Variants in SLC12A5 observed in about 807,000 individuals in gnomAD.
SLC12A5 encodes K-Cl cotransporter 2.
In SLC12A5, 18 loss-of-function variants were observed where a neutral mutation model predicts 124.0. The ratio of observed to expected loss-of-function variants is 0.15; its 90% CI spans 0.10 to 0.22. SLC12A5 has a LOEUF of 0.22. Ranked by LOEUF, SLC12A5 falls within the 10% of genes least tolerant of loss-of-function variation. The pLI is 1.00. For synonymous variants in SLC12A5, 589 were observed against 568.0 expected (o/e 1.04, Z -0.53); for missense variants, 867 against 1,478.7 (o/e 0.59, Z 6.78).
intron 6 of SLC12A5, among the ~76,000 whole-genome samples, chr20:46,039,451 T>A (rs1378427061): frequency 6.6e-6 from 1 of 152,226 alleles, no homozygotes; most frequent in African/African-American, 2.4e-5. Flanking sequence ...TAATGTACCA[T>A]GGATAGCTTT....
chr20:46,059,632 A>G lies in SLC12A5; in HGVS notation c.*2027A>G, dbSNP rs1036112175. On this transcript the variant is annotated 3_prime_UTR_variant, in exon 26 of 26. Coordinates refer to ENST00000243964, the MANE Select transcript of SLC12A5 (RefSeq NM_020708.5). ...GTTGGCAAGAGCAAAGTTTCCGTTG[A>G]TGAAACAGACATCCCACAACAAAAA... The G allele has an allele frequency of 1.0e-4, 40 of 398,978 alleles. No homozygotes were observed. Among genetic ancestry groups the G allele is most frequent in the African/African-American group, 8.2e-4 (40 of 48,640 alleles). 24.7% of individuals were successfully genotyped at this position (398,978 alleles called of 1,614,324 possible).
intron 15 of SLC12A5, 144 bp from the exon 16 acceptor site, chr20:46,047,837 T>C (rs144540341): frequency 5.8e-6 from 5 of 858,840 alleles, no homozygotes; most frequent in South Asian, 1.8e-5. Context: ...CAAGGCTTGG[T>C]TGAGTCTGTT....
chr20:46,035,415 C>G lies in SLC12A5; in HGVS notation c.159C>G (p.Asp53Glu). Residue 53 changes from aspartate to glutamate, a missense_variant, in exon 3 of 26, where the codon GAC becomes GAG. Physicochemically the swap from Asp to Glu is conservative, Grantham distance 45. Transcript: ENST00000243964. ...CCCTCCCTCCATAGGAGGAGATGGA[C>G]ACCAGCCCTATGGTGTCCTCCTTGC... ...KNMALFEEEMDTSPMVSSLLS... is the reference protein window; with the variant it reads ...KNMALFEEEMETSPMVSSLLS... The G allele has an allele frequency of 6.2e-7, 1 of 1,613,326 alleles. No individual in the cohort carries two copies. Among genetic ancestry groups the G allele is most frequent in the Non-Finnish European group, 8.5e-7 (1 of 1,179,598 alleles).
Position 46,056,493 on chromosome 20 carries a change from G to C in SLC12A5, c.3039G>C (p.Ser1013=). Residue 1013 remains serine, a synonymous_variant, in exon 23 of 26, where the codon TCG becomes TCC. Transcript: ENST00000243964. The surrounding 1 kb of genome is among the most constrained non-coding windows in gnomAD (Gnocchi z 4.3). ...ATCTCACCTGGACCAAGGACAAGTC[G>C]GTGGCAGAGAAGAATAAGGGCCCCA... is the stretch of plus-strand genomic sequence containing the variant. ...KVHLTWTKDK[S]VAEKNKGPSP... The C allele has an allele frequency of 6.2e-7, 1 of 1,614,158 alleles. No homozygotes were observed. Among genetic ancestry groups the C allele is most frequent in the Non-Finnish European group, 8.5e-7 (1 of 1,180,008 alleles).
chr20:46,055,908 A>G, intron 21 of SLC12A5: 1 of 528,958 alleles, frequency 1.9e-6, no homozygotes, highest in Non-Finnish European at 3.4e-6. Flanking sequence ...TGCTAGGCAG[A>G]GCCTTGCTGT....
At chr20:46,022,009 G>A in intron 1 of SLC12A5, 1 of 1,167,716 alleles carries the variant, frequency 8.6e-7, no homozygotes, top group Non-Finnish European at 1.1e-6. Flanking sequence ...CCAGCCCTAG[G>A]CCTGAGAGGG....
At chr20:46,036,324 C>T (rs1006766187) in intron 4 of SLC12A5, 1 of 235,324 alleles carries the variant, frequency 4.2e-6, no homozygotes, top group Non-Finnish European at 8.3e-6. Flanking sequence ...ATCAAATATT[C>T]GCCAAACACC....
intron 16 of SLC12A5, among the ~76,000 whole-genome samples, chr20:46,048,597 C>T (rs929598799): frequency 6.6e-6 from 1 of 152,060 alleles, no homozygotes; most frequent in Admixed American, 6.6e-5. Context: ...GGATGCCGAG[C>T]GCGGTGGCTC....
At chr20:46,025,485 C>G (rs904562010), upstream of SLC12A5, among the ~76,000 whole-genome samples, 7 of 152,164 alleles carry the variant, frequency 4.6e-5, no homozygotes, top group African/African-American at 1.7e-4. Flanking sequence ...CCCCTCCTCT[C>G]CCCTCCCCTT....
chr20:46,053,345 G>A lies in SLC12A5; in HGVS notation c.2547+219G>A, dbSNP rs1050040033. Among the ~76,000 whole-genome samples the A allele has an allele frequency of 2.6e-5, 4 of 152,246 alleles. No homozygotes were observed. The highest frequency in any genetic ancestry group is 9.6e-5 in the African/African-American group (4 of 41,456). The stretch of plus-strand genomic sequence containing the variant: ...TTTCTCCTCTTGCAGGTGCACTGCT[G>A]TAAGGAGAGCAATGCTTAGCCCAAG... On this transcript the variant is annotated intron_variant, in intron 19 of 25. Transcript: ENST00000243964. This position sits in a 1 kb window ranked among gnomAD's most constrained non-coding sequence, Gnocchi z 4.7.
rs1443254780 is a variant in SLC12A5 at position 46,053,046 on chromosome 20, G to A, written c.2467G>A (p.Glu823Lys). The A allele has an allele frequency of 6.2e-7, 1 of 1,614,204 alleles. No individual in the cohort carries two copies. Among genetic ancestry groups the A allele is most frequent in the Admixed American group, 1.7e-5 (1 of 60,028 alleles). Reference protein sequence around the residue: ...MFPGNPERFSEGSIDVWWIVH... With the variant: ...MFPGNPERFSKGSIDVWWIVH... ...TCCTGGGAACCCTGAGCGCTTCTCT[G>A]AGGGCAGCATCGACGTTTGGTGGAT... Residue 823 changes from glutamate (E) to lysine (K), a missense_variant, in exon 19 of 26, where the codon GAG (glutamate) becomes AAG (lysine). Transcript: ENST00000243964. The surrounding 1 kb of genome is among the most constrained non-coding windows in gnomAD (Gnocchi z 4.7).
chr20:46,047,209 G>A (rs2084603418), intron 14 of SLC12A5, among the ~76,000 whole-genome samples: 1 of 152,230 alleles, frequency 6.6e-6, no homozygotes, highest in African/African-American at 2.4e-5. Flanking sequence ...CAGGGACAGG[G>A]TGGTGTGGGG....
At position 46,029,410 on chromosome 20, in the gene SLC12A5, CGGGGGCGGCGGGGGA is replaced by C. The variant is rs141158582; in HGVS notation, c.52+21_52+35del. 0.02 allele frequency: 29,672 copies of C among 1,505,402 alleles called. 345 individuals carry two copies. Among genetic ancestry groups the C allele is most frequent in the Non-Finnish European group, 0.023 (26,140 of 1,119,706 alleles). The allele number at this position is 1,505,402 out of a possible 1,614,324, so 93.3% of individuals were successfully genotyped here. A position where few individuals can be genotyped will look rare whatever the true frequency, so the allele number is the denominator to read the frequency against. On this transcript the variant is annotated intron_variant, in intron 1 of 25. Transcript: ENST00000243964. ...GAGCCAACCCGGGTAAGCTGTGGTCCGGGGGCGGCGGGGGAGGGGGCAGCGAGGAGAGGAGGCAGC... is the reference window on the plus strand; with the variant it reads ...GAGCCAACCCGGGTAAGCTGTGGTCCGGGGGCAGCGAGGAGAGGAGGCAGC...
intron 11 of SLC12A5, chr20:46,044,650 G>A (rs2084577691): frequency 2.8e-6 from 1 of 362,182 alleles, no homozygotes; most frequent in Non-Finnish European, 5.1e-6. Flanking sequence ...CAACTGGCCG[G>A]GTGGTGTAGG....
intron 6 of SLC12A5, among the ~76,000 whole-genome samples, chr20:46,039,775 CA>C (rs139698610): frequency 6.9e-5 from 10 of 144,616 alleles, no homozygotes; most frequent in South Asian, 2.2e-4. Flanking sequence ...AACTTTATTT[CA>C]AAAAAAAAAC....
chr20:46,026,559 C>T (rs1268962315), upstream of SLC12A5, among the ~76,000 whole-genome samples: 1 of 152,208 alleles, frequency 6.6e-6, no homozygotes, highest in Non-Finnish European at 1.5e-5. Flanking sequence ...GGGCTGGGGT[C>T]CCCCCTTGGG....
exon 3 of SLC12A5, chr20:46,023,438 C>T (rs2084372647): frequency 2.5e-6 from 1 of 398,830 alleles, no homozygotes; most frequent in Non-Finnish European, 4.4e-6. Context: ...CAGCATCGGT[C>T]CCCCCTCTGT....
intron 1 of SLC12A5, among the ~76,000 whole-genome samples, chr20:46,030,815 C>A (rs1256266305): frequency 1.3e-5 from 2 of 151,962 alleles, no homozygotes; most frequent in Non-Finnish European, 2.9e-5. Flanking sequence ...CCCCACCCCC[C>A]GCCGCTTCCC....
rs746382931 is a variant in SLC12A5 at position 46,054,955 on chromosome 20, T to C, written c.2719T>C (p.Leu907=). Residue 907 remains leucine (L), a synonymous_variant, in exon 21 of 26, where the codon TTG becomes CTG. Coordinates refer to ENST00000243964, the MANE Select transcript of SLC12A5 (RefSeq NM_020708.5). ...DISAYTYEKT[L]VMEQRSQILK... ...CTCAGCTTACACCTATGAGAAGACG[T>C]TGGTGATGGAGCAGCGTTCCCAGAT... 7 of 1,613,338 alleles carry C rather than the reference T, an allele frequency of 4.3e-6. No individual in the cohort carries two copies. The South Asian group carries it at 4.4e-5, about 10-fold the overall frequency.
Sources: allele counts gnomAD v4.1 joint callset (sites outside exome capture counted in the v4.1 genomes callset), GRCh38; gene constraint gnomAD v4.1.1; non-coding constraint Gnocchi (gnomAD v3.1); transcripts MANE v1.5; gene names NCBI Gene and HGNC (gene_info 2026-07-23, HGNC 2026-07-21).